VSIG10: variants seen among roughly 807,000 people sequenced by gnomAD.
VSIG10 encodes the protein V-set and immunoglobulin domain-containing protein 10.
A neutral mutation model predicts 58.7 loss-of-function variants in VSIG10; 48 were observed. The observed-to-expected ratio is 0.82, with a 90% CI of 0.65 to 1.04. The LOEUF (loss-of-function observed/expected upper bound fraction) is 1.04, where lower values mean the gene tolerates loss of function less well. VSIG10 is among the 50% of genes least tolerant of loss of function. The probability of loss-of-function intolerance (pLI) is 0.00; values close to 1 mark genes in which losing one functional copy is unlikely to be tolerated. For missense variants in VSIG10, 628 were observed against 670.0 expected, an observed-to-expected ratio of 0.94 and a Z score of 0.69; for synonymous variants, 260 against 267.1, an observed-to-expected ratio of 0.97 and a Z score of 0.26.
At chr12:118,067,464 C>CTT (rs34148920) in intron 8 of VSIG10, among the ~76,000 whole-genome samples, 3,393 of 127,736 alleles carry the variant, frequency 0.027, 154 homozygotes, top group East Asian at 0.085. Flanking sequence ...CTAAACTGGC[C>CTT]TTTTTTTTTT....
rs758087242 is a variant in VSIG10 at position 118,091,059 on chromosome 12, C to T, written c.361+4474G>A. On this transcript the variant is annotated intron_variant, in intron 2 of 8. Transcript: ENST00000359236. The stretch of plus-strand genomic sequence containing the variant: ...CTGAGGCATGAGAATCACTTGAACC[C>T]GGGAAGCAGAGGTTGCAGTGAGCCA... 1.6e-4 allele frequency among the ~76,000 whole-genome samples: 24 copies of T among 152,166 alleles called. 1 individual carries two copies. The highest frequency in any genetic ancestry group is 6.2e-4 in the South Asian group (3 of 4,826).
At chr12:118,089,112 T>C (rs1378764521) in intron 2 of VSIG10, among the ~76,000 whole-genome samples, 3 of 151,960 alleles carry the variant, frequency 2.0e-5, no homozygotes, top group African/African-American at 7.2e-5. Context: ...TCACACCTGA[T>C]TAAGTTTTGT....
chr12:118,086,294 C>T (rs925600217), intron 2 of VSIG10, among the ~76,000 whole-genome samples: 6 of 151,886 alleles, frequency 4.0e-5, no homozygotes, highest in African/African-American at 1.5e-4. Flanking sequence ...AAAACAAAAC[C>T]CTGTCCCTAC....
At chr12:118,068,714 A>T in intron 7 of VSIG10, 117 bp from the exon 8 acceptor site, 1 of 1,268,648 alleles carries the variant, frequency 7.9e-7, no homozygotes, top group Non-Finnish European at 1.1e-6. Context: ...GGAAAATTAC[A>T]GCTTGGTGAA....
intron 1 of VSIG10, chr12:118,102,727 C>G (rs1592904232): frequency 6.6e-6 from 1 of 152,086 alleles, no homozygotes. Flanking sequence ...GTGGAGCAGA[C>G]CCGGGAACAC....
chr12:118,081,926 A>G (rs1234266044), intron 3 of VSIG10, among the ~76,000 whole-genome samples: 2 of 150,956 alleles, frequency 1.3e-5, no homozygotes, highest in African/African-American at 4.9e-5. Flanking sequence ...CTGAGGCAGG[A>G]GAATCGCTTG....
chr12:118,071,680 T>C (rs1000168008), intron 5 of VSIG10, among the ~76,000 whole-genome samples: 3 of 152,134 alleles, frequency 2.0e-5, no homozygotes, highest in African/African-American at 4.8e-5. Flanking sequence ...GAACAAACAA[T>C]GGAAAGTTAA....
intron 4 of VSIG10, among the ~76,000 whole-genome samples, chr12:118,074,206 C>G (rs2032620204): frequency 6.6e-6 from 1 of 152,044 alleles, no homozygotes; most frequent in Non-Finnish European, 1.5e-5. Context: ...CCTGCCTCAG[C>G]CTCCCGAGCT....
intron 2 of VSIG10, among the ~76,000 whole-genome samples, chr12:118,082,691 T>C (rs2137902852): frequency 6.6e-6 from 1 of 151,976 alleles, no homozygotes; most frequent in East Asian, 1.9e-4. Context: ...CAAAAAACTG[T>C]AAGGGCTAGG....
Position 118,079,426 on chromosome 12 carries a change from A to C in VSIG10, c.845T>G (p.Leu282Arg), listed in dbSNP as rs1285403941. The C allele has an allele frequency of 6.2e-7, 1 of 1,614,032 alleles. No individual in the cohort carries two copies. Among genetic ancestry groups the C allele is most frequent in the African/African-American group, 1.3e-5 (1 of 75,060 alleles). Residue 282 changes from leucine (L) to arginine (R), a missense_variant, in exon 4 of 9, where the codon CTG becomes CGG. Physicochemically the swap from Leu to Arg is moderately radical, Grantham distance 102. Transcript: ENST00000359236. ...LGVEMLSESQLSDGKKFKCVT... is the reference protein window; with the variant it reads ...LGVEMLSESQRSDGKKFKCVT... ...ACACTTGAACTTCTTGCCATCCGAC[A>C]GCTGGGACTCGCTCAGCATTTCCAC...
chr12:118,088,927 T>G (rs1055524852), intron 2 of VSIG10, among the ~76,000 whole-genome samples: 1 of 151,776 alleles, frequency 6.6e-6, no homozygotes, highest in Non-Finnish European at 1.5e-5. Context: ...TGGAATTCAG[T>G]GACATTTTTA....
At chr12:118,076,244 G>A (rs1453395164) in intron 4 of VSIG10, among the ~76,000 whole-genome samples, 1 of 152,096 alleles carries the variant, frequency 6.6e-6, no homozygotes, top group Non-Finnish European at 1.5e-5. Flanking sequence ...GGTTCCTTTT[G>A]GACGCTCTAG....
At chr12:118,073,663 A>G in intron 5 of VSIG10, 36 bp downstream of exon 5, 2 of 1,559,738 alleles carry the variant, frequency 1.3e-6, no homozygotes, top group Non-Finnish European at 1.7e-6. Flanking sequence ...TGAAGCTCTG[A>G]ACCCTCCCTC....
chr12:118,066,844 C>T, intron 8 of VSIG10, 150 bp from the exon 9 acceptor site: 1 of 778,806 alleles, frequency 1.3e-6, no homozygotes, highest in Non-Finnish European at 2.1e-6. Flanking sequence ...CGTGTGTTTT[C>T]CCCTTTTCAC....
rs754936728 is a variant in VSIG10 at position 118,095,830 on chromosome 12, T to A, written c.80-16A>T. 14 of 1,596,236 alleles carry A rather than the reference T, an allele frequency of 8.8e-6. No individual in the cohort carries two copies. In the Admixed American group the frequency reaches 2.3e-4, roughly 26 times the overall value. ...GCCTCCAATCCTGTACAAGGCAAGA[T>A]CAGGCTGTTACTACCCTTCTTAATT... On this transcript the variant is annotated splice_polypyrimidine_tract_variant and intron_variant, in intron 1 of 8. Coordinates refer to ENST00000359236, the MANE Select transcript of VSIG10 (RefSeq NM_019086.6).
Position 118,079,392 on chromosome 12 carries a change from G to A in VSIG10, c.879C>T (p.Ser293=), listed in dbSNP as rs769732847. The A allele has an allele frequency of 1.2e-6, 2 of 1,613,996 alleles. No homozygotes were observed. Among genetic ancestry groups the A allele is most frequent in the South Asian group, 1.1e-5 (1 of 91,076 alleles). Residue 293 remains serine (S), a synonymous_variant, in exon 4 of 9, where the codon AGC becomes AGT. Coordinates refer to ENST00000359236, the MANE Select transcript of VSIG10 (RefSeq NM_019086.6). The part of the protein sequence containing the change: ...SDGKKFKCVT[S]HIVGPESGAS... ...CGCCCGACTCTGGCCCAACTATGTG[G>A]CTTGTAACACACTTGAACTTCTTGC...
chr12:118,071,444 C>T lies in VSIG10; in HGVS notation c.1245G>A (p.Val415=), dbSNP rs780583662. ...VKEPLNIGGI[V]GTIVSLLLLG... The stretch of plus-strand genomic sequence containing the variant: ...GCAGAAGGAGGCTCACAATGGTTCC[C>T]ACAATCCCCCCGATATTTAAAGGTT... Residue 415 remains valine (V), a synonymous_variant, in exon 6 of 9, where the codon GTG becomes GTA. Transcript: ENST00000359236. The T allele has an allele frequency of 8.7e-6, 14 of 1,613,814 alleles. No individual in the cohort carries two copies. In the Admixed American group the frequency reaches 2.2e-4, roughly 25 times the overall value.
At chr12:118,086,046 C>T (rs1014870864) in intron 2 of VSIG10, among the ~76,000 whole-genome samples, 15 of 151,788 alleles carry the variant, frequency 9.9e-5, no homozygotes, top group African/African-American at 3.6e-4. Context: ...GTAATACCAC[C>T]TACTTGGGAG....
intron 4 of VSIG10, among the ~76,000 whole-genome samples, chr12:118,076,379 T>A (rs1187462446): frequency 6.6e-6 from 1 of 152,106 alleles, no homozygotes; most frequent in Non-Finnish European, 1.5e-5. Context: ...TTTTTTTTTT[T>A]TTTGGCTCAT....
Sources: allele counts gnomAD v4.1 joint callset (sites outside exome capture counted in the v4.1 genomes callset), GRCh38; gene constraint gnomAD v4.1.1; transcripts MANE v1.5; gene names NCBI Gene and HGNC (gene_info 2026-07-23, HGNC 2026-07-21).